ABCC2: variants seen among roughly 807,000 people sequenced by gnomAD.
ABCC2 encodes ATP-binding cassette sub-family C member 2.
Under a neutral mutation model 173.4 loss-of-function variants are expected in ABCC2, and 157 were observed. The ratio of observed to expected loss-of-function variants is 0.91; its 90% CI spans 0.80 to 1.03. The LOEUF (loss-of-function observed/expected upper bound fraction) is 1.03. Among genes scored for constraint, ABCC2 ranks in the 50% least tolerant of loss-of-function variants. The pLI is 0.00. For missense variants in ABCC2, 1,822 were observed against 1,852.3 expected (o/e 0.98, Z 0.30); for synonymous variants, 657 against 693.5 (o/e 0.95, Z 0.83).
chr10:99,814,525 A>ATGTG (rs2038333451), intron 16 of ABCC2, among the ~76,000 whole-genome samples: 1 of 24,378 alleles, frequency 4.1e-5, no homozygotes, highest in Admixed American at 3.8e-4. Flanking sequence ...ATATATACAT[A>ATGTG]TATATACACA....
At chr10:99,842,709 G>T (rs960255251) in intron 26 of ABCC2, among the ~76,000 whole-genome samples, 6 of 152,102 alleles carry the variant, frequency 3.9e-5, no homozygotes, top group Non-Finnish European at 7.4e-5. Flanking sequence ...AAAGAGATTT[G>T]CATAGTTACA....
intron 11 of ABCC2, among the ~76,000 whole-genome samples, chr10:99,806,447 G>A (rs1338274838): frequency 1.3e-5 from 2 of 152,154 alleles, no homozygotes; most frequent in Non-Finnish European, 2.9e-5. Flanking sequence ...ATTGAAATTG[G>A]ACTCTGGGAG....
intron 25 of ABCC2, among the ~76,000 whole-genome samples, chr10:99,836,929 G>A (rs2038832723): frequency 6.6e-6 from 1 of 152,172 alleles, no homozygotes; most frequent in Non-Finnish European, 1.5e-5. Context: ...GTGTCTTGAG[G>A]CGCTAAAGAT....
intron 3 of ABCC2, among the ~76,000 whole-genome samples, chr10:99,793,335 G>A (rs1432359927): frequency 6.6e-6 from 1 of 152,138 alleles, no homozygotes; most frequent in East Asian, 1.9e-4. Context: ...TCCCACTCAA[G>A]TGTGGTCCAT....
intron 2 of ABCC2, chr10:99,788,427 A>T (rs2037757007): frequency 6.6e-6 from 1 of 152,158 alleles, no homozygotes; most frequent in Admixed American, 6.5e-5. Flanking sequence ...AATAGACCCA[A>T]TAGGTACAAT....
At chr10:99,822,150 C>T (rs1170929793) in intron 19 of ABCC2, among the ~76,000 whole-genome samples, 3 of 152,104 alleles carry the variant, frequency 2.0e-5, no homozygotes, top group Non-Finnish European at 4.4e-5. Context: ...GAATTAAGGG[C>T]GGGAAAGGCA....
Position 99,792,325 on chromosome 10 carries a change from G to T in ABCC2, c.299G>T (p.Arg100Leu). The change falls in exon 3 of 32, where the codon CGA becomes CTA. Residue 100 changes from arginine (R) to leucine (L), a missense_variant. Physicochemically the swap from Arg to Leu is moderately radical, Grantham distance 102 (BLOSUM62 -2). Transcript: ENST00000647814. ...DSGQATVPAV[R>L]YTNPSLYLGT... is the part of the protein sequence containing the mutation. ...GGACAAGCCACAGTCCCTGCTGTTC[G>T]ATATACCAATCCAAGCCTCTACCTA... 1.2e-6 allele frequency: 2 copies of T among 1,614,092 alleles called. No homozygotes were observed. Among genetic ancestry groups the T allele is most frequent in the South Asian group, 1.1e-5 (1 of 91,078 alleles).
intron 16 of ABCC2, among the ~76,000 whole-genome samples, chr10:99,814,314 T>TAC (rs1554850679): frequency 1.2e-4 from 7 of 60,564 alleles, no homozygotes; most frequent in South Asian, 5.0e-4. Flanking sequence ...CACATGTATA[T>TAC]ACACACGTAT....
In ABCC2 at chr10:99,797,198, A is replaced by G. The variant is rs755278187; in HGVS notation, c.734A>G (p.His245Arg). Reference protein sequence around the residue: ...TKTLVSKFETHMKRELQKARR... With the variant: ...TKTLVSKFETRMKRELQKARR... ...ACATTAGTGAGCAAGTTTGAAACGC[A>G]CATGAAGAGAGAGCTGCAGAAAGCC... Residue 245 changes from histidine to arginine, a missense_variant, in exon 7 of 32, where the codon CAC becomes CGC. His to Arg is a conservative substitution (Grantham distance 29, BLOSUM62 0). Transcript: ENST00000647814. 11 of 1,614,088 alleles carry G rather than the reference A, an allele frequency of 6.8e-6. No homozygotes were observed. Among genetic ancestry groups the G allele is most frequent in the Middle Eastern group, 1.6e-4 (1 of 6,082 alleles).
Position 99,813,086 on chromosome 10 carries a change from C to T in ABCC2, c.2036C>T (p.Ser679Phe), listed in dbSNP as rs760853099. 6.2e-7 allele frequency: 1 copy of T among 1,614,070 alleles called. No homozygotes were observed. The highest frequency in any genetic ancestry group is 1.1e-5 in the South Asian group (1 of 91,076). Residue 679 changes from serine to phenylalanine, a missense_variant, in exon 16 of 32, where the codon TCC becomes TTC. Transcript: ENST00000647814. ...GGCCCTGTCGGCTCTGGGAAATCCT[C>T]CTTGATATCAGCCATGCTGGGAGAA... ...VIGPVGSGKS[S>F]LISAMLGEME... is the part of the protein sequence containing the mutation.
At chr10:99,816,037 C>T (rs111775567) in intron 16 of ABCC2, among the ~76,000 whole-genome samples, 2 of 150,032 alleles carry the variant, frequency 1.3e-5, no homozygotes, top group African/African-American at 4.9e-5. Flanking sequence ...GGCGTGATCT[C>T]GGCTCACTGC....
At chr10:99,821,824 C>A (rs189664383) in intron 19 of ABCC2, among the ~76,000 whole-genome samples, 1,524 of 151,914 alleles carry the variant, frequency 0.01, 24 homozygotes, top group Middle Eastern at 0.041. Context: ...TCGACAAAAC[C>A]GCCATCGTCA....
intron 26 of ABCC2, 104 bp downstream of exon 26, chr10:99,842,197 G>C: frequency 6.5e-6 from 10 of 1,530,274 alleles, no homozygotes; most frequent in Non-Finnish European, 9.0e-6. Context: ...CTTAAACCCA[G>C]AGGGACTAAA....
chr10:99,808,766 C>A (rs1000294406), intron 13 of ABCC2, among the ~76,000 whole-genome samples: 4 of 152,170 alleles, frequency 2.6e-5, no homozygotes, highest in African/African-American at 9.7e-5. Flanking sequence ...TGATATGCGA[C>A]AAGTACCAGA....
chr10:99,837,122 T>C (rs1225350565), intron 25 of ABCC2, among the ~76,000 whole-genome samples: 3 of 149,956 alleles, frequency 2.0e-5, no homozygotes, highest in African/African-American at 7.4e-5. Context: ...TAAATACATT[T>C]TCTTTGAGAA....
chr10:99,790,766 C>T (rs1037875298), intron 2 of ABCC2, among the ~76,000 whole-genome samples: 5 of 152,180 alleles, frequency 3.3e-5, no homozygotes, highest in Non-Finnish European at 2.9e-5. Flanking sequence ...GTCTTTGACT[C>T]TACTCCTTAC....
chr10:99,839,073 G>A (rs1590188295), intron 25 of ABCC2, among the ~76,000 whole-genome samples: 2 of 140,856 alleles, frequency 1.4e-5, no homozygotes, highest in Admixed American at 6.9e-5. Flanking sequence ...GGGGCGGCTG[G>A]CCGGGCAGGG....
At position 99,804,138 on chromosome 10, in the gene ABCC2, A is replaced by G; in HGVS notation, c.1329A>G (p.Ser443=). Residue 443 remains serine (S), a synonymous_variant, in exon 10 of 32, where the codon TCA becomes TCG. Transcript: ENST00000647814. ...DVTNFMHMLW[S]SVLQIVLSIF... is the part of the protein sequence containing the mutation. ...CCAACTTCATGCACATGCTGTGGTC[A>G]AGTGTTCTACAGATTGTCTTATCTA... 1 of 1,614,188 alleles carries G rather than the reference A, an allele frequency of 6.2e-7. No individual in the cohort carries two copies. The highest frequency in any genetic ancestry group is 8.5e-7 in the Non-Finnish European group (1 of 1,180,038).
Position 99,782,729 on chromosome 10 carries a change from A to G in ABCC2, c.-116A>G. ...TGGGATGAAAGGTCATCCTTTACGG[A>G]GAACATCAGAATGGTAGATAATTCC... On this transcript the variant is annotated 5_prime_UTR_variant, in exon 1 of 32. Transcript: ENST00000647814. 1 of 1,205,730 alleles carries G rather than the reference A, an allele frequency of 8.3e-7. No homozygotes were observed. The highest frequency in any genetic ancestry group is 1.2e-6 in the Non-Finnish European group (1 of 818,452). The allele number at this position is 1,205,730 out of a possible 1,614,324, so 74.7% of individuals were successfully genotyped here. A position where few individuals can be genotyped will look rare whatever the true frequency, so the allele number is the denominator to read the frequency against.
Sources: gnomAD v4.1 joint callset for allele counts (sites outside exome capture counted in the v4.1 genomes callset) on GRCh38, gnomAD v4.1.1 for gene constraint, MANE v1.5 for transcripts, NCBI Gene and HGNC (gene_info 2026-07-23, HGNC 2026-07-21) for gene names.